PCDH11Y: variants seen among roughly 807,000 people sequenced by gnomAD.
PCDH11Y encodes protocadherin-11 Y-linked.
For missense variants in PCDH11Y, 12 were observed against 224.8 expected, an observed-to-expected ratio of 0.05 and a Z score of 6.05; for synonymous variants, 9 against 83.6, an observed-to-expected ratio of 0.11 and a Z score of 4.87.
At chrY:5,698,844 C>T in intron 4 of PCDH11Y, among the ~76,000 whole-genome samples, 1 of 33,454 alleles carries the variant, frequency 3.0e-5, no homozygotes, top group African/African-American at 1.2e-4. Flanking sequence ...CAGTCCAGTT[C>T]TGAGTGCTTG....
chrY:5,364,722 T>G, intron 2 of PCDH11Y, among the ~76,000 whole-genome samples: 1 of 32,726 alleles, frequency 3.1e-5, no homozygotes, highest in Non-Finnish European at 7.5e-5. Context: ...TATTAATATA[T>G]ATTGTGTATA....
At chrY:5,209,808 C>A in intron 2 of PCDH11Y, among the ~76,000 whole-genome samples, 1 of 33,713 alleles carries the variant, frequency 3.0e-5, no homozygotes, top group Non-Finnish European at 7.3e-5. Context: ...TGGTGGCTCA[C>A]GCTTGTAATC....
intron 2 of PCDH11Y, chrY:5,032,644 C>T: frequency 2.6e-6 from 1 of 379,707 alleles, no homozygotes; most frequent in South Asian, 3.3e-5. Context: ...TTCTTCCCCT[C>T]CCTCTTTTTA....
chrY:5,492,992 C>A (rs2053340452), intron 2 of PCDH11Y, among the ~76,000 whole-genome samples: 1 of 33,142 alleles, frequency 3.0e-5, no homozygotes, highest in South Asian at 6.7e-4. Context: ...TACCACTATC[C>A]ATAAACTCAA....
At chrY:5,244,834 A>G in intron 2 of PCDH11Y, among the ~76,000 whole-genome samples, 1 of 33,792 alleles carries the variant, frequency 3.0e-5, no homozygotes, top group East Asian at 8.1e-4. Context: ...ATTGGGACTA[A>G]TAGCTGCCTA....
At chrY:5,576,699 A>G (rs2053446381) in intron 3 of PCDH11Y, among the ~76,000 whole-genome samples, 1 of 33,298 alleles carries the variant, frequency 3.0e-5, no homozygotes, top group Non-Finnish European at 7.5e-5. Context: ...AGGCATTATC[A>G]TTTTGTTGGA....
chrY:5,121,556 A>G, intron 2 of PCDH11Y, among the ~76,000 whole-genome samples: 1 of 32,939 alleles, frequency 3.0e-5, no homozygotes, highest in Non-Finnish European at 7.4e-5. Flanking sequence ...TCCTTTGCCA[A>G]CACCCTCACA....
At chrY:5,495,042 A>G (rs2053343108) in intron 2 of PCDH11Y, among the ~76,000 whole-genome samples, 2 of 28,826 alleles carry the variant, frequency 6.9e-5, no homozygotes, top group Admixed American at 6.4e-4. Flanking sequence ...GCAAGACTCC[A>G]TCTCGAAAAA....
intron 2 of PCDH11Y, among the ~76,000 whole-genome samples, chrY:5,434,062 C>T: frequency 3.0e-5 from 1 of 32,831 alleles, no homozygotes; most frequent in Non-Finnish European, 7.5e-5. Flanking sequence ...TTTAACGCTG[C>T]TAATCTTACA....
At chrY:5,545,531 C>A (rs2053412147) in intron 3 of PCDH11Y, among the ~76,000 whole-genome samples, 1 of 32,326 alleles carries the variant, frequency 3.1e-5, no homozygotes, top group Non-Finnish European at 7.7e-5. Flanking sequence ...AAGTTTTATT[C>A]TCCAGCGTAT....
At chrY:5,311,241 T>C in intron 2 of PCDH11Y, among the ~76,000 whole-genome samples, 1 of 31,125 alleles carries the variant, frequency 3.2e-5, no homozygotes, top group African/African-American at 1.3e-4. Context: ...TACAAAACTT[T>C]TTTTGATGAG....
At chrY:5,349,898 C>G in intron 2 of PCDH11Y, among the ~76,000 whole-genome samples, 1 of 33,812 alleles carries the variant, frequency 3.0e-5, no homozygotes, top group African/African-American at 1.1e-4. Flanking sequence ...CTATAAAGGT[C>G]TCAAAAATTT....
intron 2 of PCDH11Y, among the ~76,000 whole-genome samples, chrY:5,384,145 A>G: frequency 3.0e-5 from 1 of 33,106 alleles, no homozygotes; most frequent in African/African-American, 1.2e-4. Flanking sequence ...GGTAAATATT[A>G]TAGAAGAACA....
chrY:5,155,771 C>T (rs207480154), intron 2 of PCDH11Y, among the ~76,000 whole-genome samples: 2 of 31,179 alleles, frequency 6.4e-5, no homozygotes, highest in African/African-American at 1.3e-4. Context: ...TATGTGTATA[C>T]GTTATTTCAA....
At chrY:5,471,568 C>A in intron 2 of PCDH11Y, among the ~76,000 whole-genome samples, 1 of 32,274 alleles carries the variant, frequency 3.1e-5, no homozygotes, top group Non-Finnish European at 7.7e-5. Flanking sequence ...CTTTAGGCAA[C>A]TATTTTTAAA....
intron 2 of PCDH11Y, among the ~76,000 whole-genome samples, chrY:5,499,428 T>C: frequency 3.1e-5 from 1 of 32,781 alleles, no homozygotes; most frequent in Admixed American, 2.9e-4. Flanking sequence ...ACATATTACA[T>C]GCATTAGTCA....
chrY:5,335,062 G>C lies in PCDH11Y; in HGVS notation c.3130-165995G>C, dbSNP rs2053135105. Among the ~76,000 whole-genome samples the C allele has an allele frequency of 4.6e-4, 15 of 32,829 alleles. No homozygotes were observed. In the South Asian group the frequency reaches 8.2e-3, roughly 18 times the overall value. The allele number at this position is 32,829 out of a possible 37,273, so 88.1% of individuals were successfully genotyped here. ...AGCACACAGTTTTTACATAAACAAGGGGGGGCAGAGGAAAAATGTGAAGAA... is the reference window on the plus strand; with the variant it reads ...AGCACACAGTTTTTACATAAACAAGCGGGGGCAGAGGAAAAATGTGAAGAA... On this transcript the variant is annotated intron_variant, in intron 2 of 4. Coordinates refer to the PCDH11Y transcript ENST00000400457.
intron 3 of PCDH11Y, among the ~76,000 whole-genome samples, chrY:5,503,467 G>C (rs2053355762): frequency 6.1e-5 from 2 of 32,892 alleles, no homozygotes; most frequent in Non-Finnish European, 1.5e-4. Context: ...TTAAGCGAAT[G>C]TTTAAATGTT....
chrY:5,115,198 C>T, intron 2 of PCDH11Y, among the ~76,000 whole-genome samples: 2 of 17,204 alleles, frequency 1.2e-4, no homozygotes, highest in African/African-American at 6.6e-4. Context: ...GGCTGGAGTG[C>T]AGTGGCGCAA....
Sources: gnomAD v4.1 joint callset for allele counts (sites outside exome capture counted in the v4.1 genomes callset) on GRCh38, gnomAD v4.1.1 for gene constraint, MANE v1.5 for transcripts, NCBI Gene and HGNC (gene_info 2026-07-23, HGNC 2026-07-21) for gene names.